NCALD: variants seen among roughly 807,000 people sequenced by gnomAD.
The protein encoded by NCALD is neurocalcin-delta.
A neutral mutation model predicts 18.6 loss-of-function variants in NCALD; 10 were observed. The ratio of observed to expected loss-of-function variants is 0.54; its 90% CI spans 0.33 to 0.91. The LOEUF (loss-of-function observed/expected upper bound fraction) is 0.91. Among genes scored for constraint, NCALD ranks in the 40% least tolerant of loss-of-function variants. NCALD has a pLI of 0.03. For missense variants in NCALD, 184 were observed against 247.6 expected (o/e 0.74, Z 1.72); for synonymous variants, 88 against 87.4 (o/e 1.01, Z -0.04).
At chr8:101,804,840 G>A (rs1378936239) in intron 4 of NCALD, among the ~76,000 whole-genome samples, 6 of 150,964 alleles carry the variant, frequency 4.0e-5, no homozygotes, top group East Asian at 3.9e-4. Flanking sequence ...TTATTGCAAT[G>A]TTCACTTTCA....
rs577994186 is a variant in NCALD at position 101,969,569 on chromosome 8, C to A, written c.-157+50668G>T. The stretch of plus-strand genomic sequence containing the variant: ...TTTTAATGAAGACATAAGTAAAACC[C>A]AGGTCATCTGATTCTCAGACGGGGC... On this transcript the variant is annotated intron_variant, in intron 2 of 6. Coordinates refer to the NCALD transcript ENST00000311028. Among the ~76,000 whole-genome samples, 5 of 152,202 alleles carry A rather than the reference C, an allele frequency of 3.3e-5. No homozygotes were observed. The South Asian group carries it at 1.0e-3, about 32-fold the overall frequency.
chr8:101,823,475 G>C (rs1481656475), intron 4 of NCALD, among the ~76,000 whole-genome samples: 2 of 152,258 alleles, frequency 1.3e-5, no homozygotes, highest in East Asian at 3.9e-4. Flanking sequence ...GGCCTACCTT[G>C]TAATTTCACA....
intron 1 of NCALD, among the ~76,000 whole-genome samples, chr8:102,073,788 T>C (rs1824257072): frequency 6.6e-6 from 1 of 152,200 alleles, no homozygotes; most frequent in Non-Finnish European, 1.5e-5. Context: ...CCTAATGCTG[T>C]ACCTTCATGG....
chr8:101,863,326 T>C (rs1815623026), intron 4 of NCALD, among the ~76,000 whole-genome samples: 1 of 152,270 alleles, frequency 6.6e-6, no homozygotes, highest in Admixed American at 6.5e-5. Context: ...CTTGGTTCTG[T>C]AATTGCAGGG....
intron 1 of NCALD, among the ~76,000 whole-genome samples, chr8:101,731,431 C>T (rs576180736): frequency 5.3e-5 from 8 of 152,076 alleles, no homozygotes; most frequent in African/African-American, 1.9e-4. Flanking sequence ...CCTCTAAAGC[C>T]GTTATAACCC....
At chr8:101,752,646 G>A (rs760839911) in intron 1 of NCALD, among the ~76,000 whole-genome samples, 2 of 152,176 alleles carry the variant, frequency 1.3e-5, no homozygotes, top group Non-Finnish European at 2.9e-5. Context: ...TTTTCACCAA[G>A]TAAAGTGTTT....
chr8:102,034,628 A>T (rs76568239), intron 1 of NCALD, among the ~76,000 whole-genome samples: 9,539 of 152,220 alleles, frequency 0.063, 599 homozygotes, highest in African/African-American at 0.16. Context: ...ACTAGCAGGA[A>T]ATTGTAAGAC....
At chr8:101,965,245 C>T (rs1263532460) in intron 2 of NCALD, among the ~76,000 whole-genome samples, 1 of 152,066 alleles carries the variant, frequency 6.6e-6, no homozygotes, top group East Asian at 1.9e-4. Context: ...ACCATTTGAC[C>T]CAGCAATCCC....
At chr8:101,849,238 C>A (rs552451743) in intron 4 of NCALD, among the ~76,000 whole-genome samples, 1 of 152,000 alleles carries the variant, frequency 6.6e-6, no homozygotes, top group Non-Finnish European at 1.5e-5. Flanking sequence ...AGGAAGAACA[C>A]CTAAAGGATG....
chr8:101,822,114 T>C (rs1813747059), intron 4 of NCALD, among the ~76,000 whole-genome samples: 1 of 152,144 alleles, frequency 6.6e-6, no homozygotes, highest in Non-Finnish European at 1.5e-5. Context: ...TGTAAAAGCA[T>C]AAATCAATGT....
intron 3 of NCALD, among the ~76,000 whole-genome samples, chr8:101,891,437 A>T (rs996290266): frequency 6.6e-6 from 1 of 152,238 alleles, no homozygotes; most frequent in Non-Finnish European, 1.5e-5. Context: ...TGCATGTATC[A>T]GTGGTGTTTG....
intron 4 of NCALD, among the ~76,000 whole-genome samples, chr8:101,877,671 T>C (rs1249376525): frequency 1.3e-5 from 2 of 152,246 alleles, no homozygotes; most frequent in African/African-American, 4.8e-5. Context: ...CCAGACTCCC[T>C]AGGAGAAATC....
At chr8:102,123,450 T>C (rs1214963618) in intron 1 of NCALD, among the ~76,000 whole-genome samples, 1 of 123,978 alleles carries the variant, frequency 8.1e-6, no homozygotes, top group Non-Finnish European at 1.7e-5. Context: ...AGCAAGCATC[T>C]GCAGCATTAG....
At chr8:101,997,157 C>T (rs149196519) in intron 2 of NCALD, among the ~76,000 whole-genome samples, 3 of 152,306 alleles carry the variant, frequency 2.0e-5, no homozygotes, top group Non-Finnish European at 4.4e-5. Flanking sequence ...GAGTCAAAGA[C>T]TCTCAAACTT....
chr8:101,846,947 G>A (rs1814892195), intron 4 of NCALD, among the ~76,000 whole-genome samples: 1 of 152,144 alleles, frequency 6.6e-6, no homozygotes, highest in Non-Finnish European at 1.5e-5. Context: ...ACTTATTCCA[G>A]TAGAGACTGC....
At chr8:101,778,314 G>A (rs1811876662) in intron 1 of NCALD, among the ~76,000 whole-genome samples, 1 of 152,082 alleles carries the variant, frequency 6.6e-6, no homozygotes, top group Non-Finnish European at 1.5e-5. Context: ...TCATAAATAT[G>A]ATTGGGCCAG....
chr8:101,877,060 C>A (rs1040250769), intron 4 of NCALD, among the ~76,000 whole-genome samples: 1 of 152,152 alleles, frequency 6.6e-6, no homozygotes, highest in Non-Finnish European at 1.5e-5. Context: ...AAAAAATAAA[C>A]GAATTAATAA....
At chr8:101,712,743 T>A (rs920207625) in intron 2 of NCALD, among the ~76,000 whole-genome samples, 1 of 152,086 alleles carries the variant, frequency 6.6e-6, no homozygotes, top group African/African-American at 2.4e-5. Flanking sequence ...ACTAAATATA[T>A]ATGCACCCAA....
chr8:101,804,617 A>AT (rs1405540039), intron 4 of NCALD, among the ~76,000 whole-genome samples: 1 of 134,910 alleles, frequency 7.4e-6, no homozygotes, highest in East Asian at 2.0e-4. Context: ...TAATTATATA[A>AT]TATATAATTA....
Sources: allele counts gnomAD v4.1 joint callset (sites outside exome capture counted in the v4.1 genomes callset), GRCh38; gene constraint gnomAD v4.1.1; transcripts MANE v1.5; gene names NCBI Gene and HGNC (gene_info 2026-07-23, HGNC 2026-07-21).